Variants in NDUFAB1 observed in about 807,000 individuals in gnomAD.
NDUFAB1 encodes the protein acyl carrier protein, mitochondrial.
Under a neutral mutation model 16.1 loss-of-function variants are expected in NDUFAB1, and 5 were observed. That is an observed-to-expected ratio of 0.31 (90% CI 0.16 to 0.65). The LOEUF (loss-of-function observed/expected upper bound fraction) is 0.65, where lower values mean the gene tolerates loss of function less well. Among genes scored for constraint, NDUFAB1 ranks in the 30% least tolerant of loss-of-function variants. NDUFAB1 has a pLI of 0.77. For missense variants in NDUFAB1, 187 were observed against 205.3 expected, an observed-to-expected ratio of 0.91 and a Z score of 0.54; for synonymous variants, 85 against 78.4, an observed-to-expected ratio of 1.08 and a Z score of -0.44.
chr16:23,596,114 A>G lies in NDUFAB1; in HGVS notation c.168+9T>C, dbSNP rs1260231954. The stretch of plus-strand genomic sequence containing the variant: ...CTTGCCAAGCGGCAGCAAAGTCACC[A>G]CGAGTCACCTGCGCGAGCACTAAGG... On this transcript the variant is annotated intron_variant, in intron 1 of 4. Coordinates refer to ENST00000007516, the MANE Select transcript of NDUFAB1 (RefSeq NM_005003.3). 5.6e-6 allele frequency: 9 copies of G among 1,603,136 alleles called. No individual in the cohort carries two copies. The highest frequency in any genetic ancestry group is 6.8e-6 in the Non-Finnish European group (8 of 1,175,762).
intron 3 of NDUFAB1, among the ~76,000 whole-genome samples, chr16:23,583,295 C>T (rs1467236356): frequency 6.6e-6 from 1 of 151,912 alleles, no homozygotes; most frequent in Non-Finnish European, 1.5e-5. Context: ...AAGTGAGGAG[C>T]GCCCCTTCCC....
At chr16:23,585,292 C>T (rs764424711) in intron 3 of NDUFAB1, 44 bp downstream of exon 3, 1 of 1,397,874 alleles carries the variant, frequency 7.2e-7, no homozygotes, top group African/African-American at 1.4e-5. Context: ...TTTAATCCAC[C>T]TTAATCAAAA....
intron 3 of NDUFAB1, 144 bp downstream of exon 3, chr16:23,585,192 C>T: frequency 1.6e-6 from 1 of 633,784 alleles, no homozygotes; most frequent in Non-Finnish European, 2.8e-6. Flanking sequence ...GGTAAGTGGG[C>T]AGGAAGGTGT....
At chr16:23,593,410 GAT>G (rs1966295974) in intron 1 of NDUFAB1, among the ~76,000 whole-genome samples, 1 of 152,226 alleles carries the variant, frequency 6.6e-6, no homozygotes, top group Non-Finnish European at 1.5e-5. Context: ...GTTCAATGAA[GAT>G]GTAAGCTAAT....
chr16:23,587,500 A>G (rs1418437718), intron 1 of NDUFAB1, among the ~76,000 whole-genome samples, 181 bp from the exon 2 acceptor site: 2 of 152,354 alleles, frequency 1.3e-5, no homozygotes, highest in African/African-American at 4.8e-5. Flanking sequence ...AGAAGCCCCA[A>G]CAGTTCAGCA....
Position 23,594,361 on chromosome 16 carries a change from G to A in NDUFAB1, c.168+1762C>T, listed in dbSNP as rs140714995. On this transcript the variant is annotated intron_variant, in intron 1 of 4. Coordinates refer to ENST00000007516, the MANE Select transcript of NDUFAB1 (RefSeq NM_005003.3). ...CTTCTAGATTCTGTCGATCTGGCAC[G>A]GGCTGGCTGGCTTATTTAAGACGGT... 1.3e-3 allele frequency among the ~76,000 whole-genome samples: 196 copies of A among 151,822 alleles called. 2 individuals carry two copies. Among genetic ancestry groups the A allele is most frequent in the African/African-American group, 4.2e-3 (174 of 41,426 alleles).
chr16:23,595,271 A>AAAC (rs377092410), intron 1 of NDUFAB1, among the ~76,000 whole-genome samples: 4 of 152,110 alleles, frequency 2.6e-5, no homozygotes, highest in African/African-American at 4.8e-5. Context: ...TCTGTCTCAA[A>AAAC]AACAACAACA....
At chr16:23,584,514 G>T (rs1471040884) in intron 3 of NDUFAB1, among the ~76,000 whole-genome samples, 2 of 151,344 alleles carry the variant, frequency 1.3e-5, no homozygotes, top group Non-Finnish European at 2.9e-5. Context: ...GCTGGGTTTT[G>T]GTAGTTAGCT....
chr16:23,584,267 A>AAAAAAAAAAAAAAAAAAAAAAC (rs1966213513), intron 3 of NDUFAB1, among the ~76,000 whole-genome samples: 1 of 136,290 alleles, frequency 7.3e-6, no homozygotes, highest in Non-Finnish European at 1.6e-5. Flanking sequence ...AAAAAAAAAA[A>AAAAAAAAAAAAAAAAAAAAAAC]AAAAAAAGAA....
chr16:23,584,269 AAAAAAG>A (rs1234818712), intron 3 of NDUFAB1, among the ~76,000 whole-genome samples: 1 of 138,388 alleles, frequency 7.2e-6, no homozygotes, highest in Non-Finnish European at 1.6e-5. Context: ...AAAAAAAAAA[AAAAAAG>A]AAACCCAGTG....
chr16:23,593,621 AG>A (rs1217811766), intron 1 of NDUFAB1, among the ~76,000 whole-genome samples: 2 of 152,196 alleles, frequency 1.3e-5, no homozygotes, highest in African/African-American at 2.4e-5. Context: ...GCATGGTCCA[AG>A]GAACACCCGC....
At chr16:23,581,363 T>C (rs533380618) in intron 4 of NDUFAB1, among the ~76,000 whole-genome samples, 190 bp from the exon 5 acceptor site, 1 of 152,210 alleles carries the variant, frequency 6.6e-6, no homozygotes, top group Non-Finnish European at 1.5e-5. Context: ...CTGGCCAACA[T>C]GGTGAAACCC....
chr16:23,592,061 G>C (rs1384321224), intron 1 of NDUFAB1, among the ~76,000 whole-genome samples: 1 of 152,222 alleles, frequency 6.6e-6, no homozygotes, highest in African/African-American at 2.4e-5. Flanking sequence ...GTATCTGTAG[G>C]CTGATGCAAT....
chr16:23,596,151 G>A lies in NDUFAB1; in HGVS notation c.140C>T (p.Thr47Ile). 1 of 1,610,154 alleles carries A rather than the reference G, an allele frequency of 6.2e-7. No individual in the cohort carries two copies. Among genetic ancestry groups the A allele is most frequent in the South Asian group, 1.1e-5 (1 of 90,670 alleles). The stretch of plus-strand genomic sequence containing the variant: ...CGCGAGCACTAAGGCCGGCTGCAAA[G>A]TCCCGAGCCTCGTCTGGGTCCCCGC... ...CSAGTQTRLG[T>I]LQPALVLAQV... The change falls in exon 1 of 5, where the codon ACT becomes ATT. Residue 47 changes from threonine to isoleucine, a missense_variant. This residue lies in a region of NDUFAB1 where 135 missense variants were observed against 129.4 expected (regional missense o/e 1.04). Coordinates refer to ENST00000007516, the MANE Select transcript of NDUFAB1 (RefSeq NM_005003.3).
At chr16:23,584,255 TA>T (rs58853102) in intron 3 of NDUFAB1, among the ~76,000 whole-genome samples, 440 of 34,048 alleles carry the variant, frequency 0.013, 78 homozygotes, top group South Asian at 0.027. Context: ...AATGATCAAT[TA>T]AAAAAAAAAA....
At chr16:23,587,127 C>T in intron 2 of NDUFAB1, 70 bp downstream of exon 2, 22 of 1,482,292 alleles carry the variant, frequency 1.5e-5, no homozygotes, top group Non-Finnish European at 2.0e-5. Flanking sequence ...GTATCTTTCC[C>T]TTTGCATTTT....
At chr16:23,590,638 C>CTATTTCTTCTTTTTT (rs574003194) in intron 1 of NDUFAB1, among the ~76,000 whole-genome samples, 14 of 131,852 alleles carry the variant, frequency 1.1e-4, no homozygotes, top group African/African-American at 3.4e-4. Flanking sequence ...CCTCTGGTCT[C>CTATTTCTTCTTTTTT]TTTTTTTTTT....
chr16:23,595,215 G>A (rs1475568763), intron 1 of NDUFAB1, among the ~76,000 whole-genome samples: 1 of 152,150 alleles, frequency 6.6e-6, no homozygotes, highest in Non-Finnish European at 1.5e-5. Context: ...GTTGCAGTGA[G>A]CTGAGATCAC....
chr16:23,581,777 T>C (rs1221444783), intron 4 of NDUFAB1: 1 of 152,270 alleles, frequency 6.6e-6, no homozygotes, highest in Admixed American at 6.6e-5. Flanking sequence ...ATATTACATA[T>C]GAGGAAACTG....
Sources: allele counts gnomAD v4.1 joint callset (sites outside exome capture counted in the v4.1 genomes callset), GRCh38; gene constraint gnomAD v4.1.1; regional missense constraint gnomAD v4.1.1; transcripts MANE v1.5; gene names NCBI Gene and HGNC (gene_info 2026-07-23, HGNC 2026-07-21).